ZNF493: variants seen among roughly 807,000 people sequenced by gnomAD.
ZNF493 encodes zinc finger protein 493.
ZNF493 carries 11 observed loss-of-function variants against 12.2 expected under a neutral mutation model. That is an observed-to-expected ratio of 0.90 (90% CI 0.57 to 1.50). ZNF493 has a LOEUF of 1.50. ZNF493 is among the 40% of genes most tolerant of loss of function. The probability of loss-of-function intolerance (pLI) is 0.00; values close to 1 mark genes in which losing one functional copy is unlikely to be tolerated. For missense variants in ZNF493, 950 were observed against 906.6 expected, an observed-to-expected ratio of 1.05 and a Z score of -0.61; for synonymous variants, 286 against 302.6, an observed-to-expected ratio of 0.95 and a Z score of 0.57.
Position 21,427,233 on chromosome 19 carries a change from A to T in ZNF493, c.*2249A>T. 1 of 167,192 alleles carries T rather than the reference A, an allele frequency of 6.0e-6. No individual in the cohort carries two copies. 10.4% of individuals were successfully genotyped at this position (167,192 alleles called of 1,614,324 possible). ...AGTGATGCACAAGGTAGGTGTTAAGAGTAATATTCTTTTGCATTATGAGAA... is the reference window on the plus strand; with the variant it reads ...AGTGATGCACAAGGTAGGTGTTAAGTGTAATATTCTTTTGCATTATGAGAA... On this transcript the variant is annotated 3_prime_UTR_variant, in exon 4 of 4. Transcript: ENST00000392288.
intron 3 of ZNF493, chr19:21,414,486 G>A (rs2030422060): frequency 6.6e-6 from 1 of 152,218 alleles, no homozygotes; most frequent in African/African-American, 2.4e-5. Context: ...TTCAGTCAAA[G>A]GTCCTGGAAG....
chr19:21,409,664 G>C (rs1242308046), intron 3 of ZNF493, among the ~76,000 whole-genome samples: 1 of 152,140 alleles, frequency 6.6e-6, no homozygotes, highest in Non-Finnish European at 1.5e-5. Context: ...AGGATTACTT[G>C]AGCCTGGAAG....
intron 3 of ZNF493, chr19:21,413,388 A>G (rs1318210876): frequency 2.5e-6 from 1 of 407,826 alleles, no homozygotes; most frequent in African/African-American, 2.1e-5. Context: ...TTGAAGGAAT[A>G]CTCATGGCAA....
intron 1 of ZNF493, among the ~76,000 whole-genome samples, chr19:21,400,831 T>G (rs1225930844): frequency 6.6e-6 from 1 of 152,208 alleles, no homozygotes; most frequent in African/African-American, 2.4e-5. Flanking sequence ...CTGAAGTTGT[T>G]TATTAGTTTA....
intron 3 of ZNF493, chr19:21,407,363 A>G (rs2030165891): frequency 1.3e-5 from 2 of 152,000 alleles, no homozygotes; most frequent in African/African-American, 4.8e-5. Context: ...ATCTCTGCTC[A>G]CTGCAAGCTC....
At chr19:21,413,643 GT>G in intron 3 of ZNF493, 1 of 415,078 alleles carries the variant, frequency 2.4e-6, no homozygotes, top group Non-Finnish European at 4.2e-6. Context: ...TCATGATAAA[GT>G]TTCAGGTATC....
intron 3 of ZNF493, chr19:21,414,458 A>G (rs1290586171): frequency 2.0e-5 from 3 of 152,384 alleles, no homozygotes; most frequent in East Asian, 1.9e-4. Context: ...CAACTAGGCA[A>G]TCGGCCATTT....
In ZNF493 at chr19:21,405,811, G is replaced by T. The variant is rs1181657755; in HGVS notation, c.208G>T (p.Asp70Tyr). Residue 70 changes from aspartate to tyrosine, a missense_variant, in exon 3 of 4, where the codon GAT becomes TAT. Transcript: ENST00000392288. ...GGTCACCTGTCTGGAGCAAGGAAAA[G>T]ATCCCTGGAATATGAAGGGACACAG... ...DLVTCLEQGK[D>Y]PWNMKGHSTV... The T allele has an allele frequency of 5.2e-6, 8 of 1,550,830 alleles. No homozygotes were observed. The highest frequency in any genetic ancestry group is 5.3e-6 in the Non-Finnish European group (6 of 1,141,550).
rs377716856 is a variant in ZNF493 at position 21,423,393 on chromosome 19, C to A, written c.734C>A (p.Ser245Tyr). 11 of 1,613,196 alleles carry A rather than the reference C, an allele frequency of 6.8e-6. No homozygotes were observed. In the African/African-American group the frequency reaches 1.3e-4, roughly 20 times the overall value. Residue 245 changes from serine to tyrosine, a missense_variant, in exon 4 of 4, where the codon TCT becomes TAT. Coordinates refer to ENST00000392288, the MANE Select transcript of ZNF493 (RefSeq NM_001076678.3). ...EKSYKYECGK[S>Y]FNQDSNLTTH... ...TCCTACAAATATGAATGTGGCAAAT[C>A]TTTTAACCAGGACTCAAACCTTACT...
chr19:21,421,383 G>A (rs2145306558), intron 3 of ZNF493, among the ~76,000 whole-genome samples: 1 of 151,108 alleles, frequency 6.6e-6, no homozygotes, highest in Admixed American at 6.6e-5. Flanking sequence ...TTTTATTTTT[G>A]AGATAGAGTT....
intron 3 of ZNF493, among the ~76,000 whole-genome samples, chr19:21,409,933 T>C (rs979690100): frequency 6.0e-5 from 9 of 151,008 alleles, no homozygotes; most frequent in African/African-American, 2.2e-4. Context: ...CTACTTAAGA[T>C]ATATAAGCGG....
At position 21,425,148 on chromosome 19, in the gene ZNF493, A is replaced by C; in HGVS notation, c.*164A>C. On this transcript the variant is annotated 3_prime_UTR_variant, in exon 4 of 4. Transcript: ENST00000392288. The stretch of plus-strand genomic sequence containing the variant: ...AGATTTCTATTGATTCTCATACCTT[A>C]CTAAATATAAGATAATTCATATTGG... 1.2e-6 allele frequency: 1 copy of C among 861,228 alleles called. No homozygotes were observed. The allele number at this position is 861,228 out of a possible 1,614,324, so 53.3% of individuals were successfully genotyped here.
At position 21,415,564 on chromosome 19, in the gene ZNF493, G is replaced by A. The variant is rs1353623870; in HGVS notation, c.254-7349G>A. ...AGTGCAAGAAATCAAATTTTGCAAG[G>A]GATCATAACATTGGAGTAATATTTC... On this transcript the variant is annotated intron_variant, in intron 3 of 3. Coordinates refer to ENST00000392288, the MANE Select transcript of ZNF493 (RefSeq NM_001076678.3). Among the ~76,000 whole-genome samples the A allele has an allele frequency of 5.9e-5, 9 of 152,180 alleles. No homozygotes were observed. In the East Asian group the frequency reaches 1.7e-3, roughly 29 times the overall value.
chr19:21,406,698 A>G (rs185974472), intron 3 of ZNF493, among the ~76,000 whole-genome samples: 22 of 152,084 alleles, frequency 1.4e-4, no homozygotes, highest in Admixed American at 1.4e-3. Context: ...TTCTTGAAAT[A>G]TAGTTTGAAA....
At chr19:21,411,028 G>C (rs1456128961) in intron 3 of ZNF493, among the ~76,000 whole-genome samples, 1 of 152,062 alleles carries the variant, frequency 6.6e-6, no homozygotes, top group East Asian at 1.9e-4. Context: ...GACCTCAGGT[G>C]ATCCACCTGC....
chr19:21,404,254 T>G (rs558505360), intron 1 of ZNF493, among the ~76,000 whole-genome samples: 2 of 152,204 alleles, frequency 1.3e-5, no homozygotes, highest in Non-Finnish European at 2.9e-5. Flanking sequence ...TAAAACTGAT[T>G]TTTCTGTATG....
chr19:21,424,472 G>T lies in ZNF493; in HGVS notation c.1813G>T (p.Glu605Ter). The T allele has an allele frequency of 6.2e-7, 1 of 1,612,750 alleles. No homozygotes were observed. Residue 605 changes from glutamate to a stop codon, truncating the protein, a stop_gained, in exon 4 of 4, where the codon GAA becomes TAA. Coordinates refer to ENST00000392288, the MANE Select transcript of ZNF493 (RefSeq NM_001076678.3). LOFTEE classifies it low-confidence loss of function (END_TRUNC). ...HTDKKPYKCEECGKAFNRSSI... is the reference protein window; with the variant it reads ...HTDKKPYKCE ...TGATAAGAAACCCTACAAATGTGAA[G>T]AATGTGGCAAAGCTTTTAACCGATC...
At position 21,397,165 on chromosome 19, in the gene ZNF493, T is replaced by TA; in HGVS notation, c.-72dup. ...CTCTCTGCTGCCGGAGCTCCAGGTC[T>TA]ACCCTTCACTGCTCTGTGTCCTCAG... On this transcript the variant is annotated 5_prime_UTR_variant, in exon 1 of 4. Coordinates refer to ENST00000392288, the MANE Select transcript of ZNF493 (RefSeq NM_001076678.3). The TA allele has an allele frequency of 6.3e-7, 1 of 1,576,988 alleles. No homozygotes were observed. Among genetic ancestry groups the TA allele is most frequent in the East Asian group, 2.2e-5 (1 of 44,726 alleles).
intron 1 of ZNF493, among the ~76,000 whole-genome samples, chr19:21,404,198 T>C (rs1462413104): frequency 6.6e-6 from 1 of 152,224 alleles, no homozygotes; most frequent in Non-Finnish European, 1.5e-5. Context: ...TAAAATGTTA[T>C]TAAAAATTGC....
Sources: allele counts gnomAD v4.1 joint callset (sites outside exome capture counted in the v4.1 genomes callset), GRCh38; gene constraint gnomAD v4.1.1; transcripts MANE v1.5; gene names NCBI Gene and HGNC (gene_info 2026-07-23, HGNC 2026-07-21).